The following MAF variants were observed in gnomAD, a reference collection of about 807,000 sequenced individuals.
MAF encodes the protein transcription factor Maf.
A neutral mutation model predicts 22.0 loss-of-function variants in MAF; 10 were observed. The observed-to-expected ratio is 0.45, with a 90% confidence interval of 0.28 to 0.77. The LOEUF is 0.77. MAF is among the 30% of genes least tolerant of loss of function. The pLI is 0.12. For synonymous variants in MAF, 337 were observed against 255.8 expected (o/e 1.32, Z -3.03); for missense variants, 544 against 548.4 (o/e 0.99, Z 0.08).
the MAF span, among the ~76,000 whole-genome samples, chr16:79,293,730 G>C: frequency 6.6e-6 from 1 of 152,120 alleles, no homozygotes; most frequent in Admixed American, 6.5e-5. Flanking sequence ...TAGTGTGTCT[G>C]TGAAGGGGAA....
chr16:79,385,928 T>C, the MAF span, among the ~76,000 whole-genome samples: 2 of 151,882 alleles, frequency 1.3e-5, no homozygotes, highest in Non-Finnish European at 2.9e-5. Flanking sequence ...AAAAACAAAA[T>C]AAAACAAAAA....
chr16:79,433,251 T>A, the MAF span, among the ~76,000 whole-genome samples: 1 of 136,764 alleles, frequency 7.3e-6, no homozygotes, highest in African/African-American at 2.6e-5. Flanking sequence ...AAATACATAA[T>A]GTAAGATAAG....
chr16:79,308,109 A>G, the MAF span, among the ~76,000 whole-genome samples: 1 of 152,192 alleles, frequency 6.6e-6, no homozygotes, highest in African/African-American at 2.4e-5. Context: ...TGTCATATCT[A>G]TGGTGTCCCT....
the MAF span, among the ~76,000 whole-genome samples, chr16:79,377,911 T>C: frequency 6.6e-6 from 1 of 152,216 alleles, no homozygotes; most frequent in Non-Finnish European, 1.5e-5. Flanking sequence ...ACCAGTACCA[T>C]GCTGTTTTGG....
the MAF span, among the ~76,000 whole-genome samples, chr16:79,242,914 C>G: frequency 3.4e-4 from 51 of 152,176 alleles, no homozygotes; most frequent in Admixed American, 2.8e-3. Context: ...AACCACACAA[C>G]TACATGGAAA....
At chr16:79,307,474 T>A in the MAF span, among the ~76,000 whole-genome samples, 1 of 152,316 alleles carries the variant, frequency 6.6e-6, no homozygotes, top group South Asian at 2.1e-4. Context: ...GCAGGACGCT[T>A]GCAGTTCATG....
the MAF span, among the ~76,000 whole-genome samples, chr16:79,545,150 G>A: frequency 3.0e-4 from 45 of 152,070 alleles, no homozygotes; most frequent in Non-Finnish European, 5.0e-4. Flanking sequence ...TTCCCTCCAT[G>A]GTTCTAAATT....
the MAF span, among the ~76,000 whole-genome samples, chr16:79,559,416 C>A: frequency 1.4e-4 from 22 of 152,172 alleles, no homozygotes; most frequent in Non-Finnish European, 2.2e-4. Flanking sequence ...TAAACTGGGT[C>A]TTCCAGAGGG....
the MAF span, among the ~76,000 whole-genome samples, chr16:79,349,121 G>A: frequency 5.9e-5 from 9 of 152,318 alleles, no homozygotes; most frequent in East Asian, 5.8e-4. Context: ...CTTCAGTGGC[G>A]GGGTTATTAA....
chr16:79,400,517 C>T, the MAF span, among the ~76,000 whole-genome samples: 1 of 152,236 alleles, frequency 6.6e-6, no homozygotes, highest in Non-Finnish European at 1.5e-5. Flanking sequence ...GTTTATACTT[C>T]TGGGGAGCTC....
downstream of MAF, among the ~76,000 whole-genome samples, chr16:79,590,569 A>T (rs1913134964): frequency 6.6e-6 from 1 of 152,150 alleles, no homozygotes; most frequent in African/African-American, 2.4e-5. Context: ...CTGGGATTGG[A>T]CAGGAGTCAG....
At chr16:79,351,661 T>A in the MAF span, among the ~76,000 whole-genome samples, 4 of 151,656 alleles carry the variant, frequency 2.6e-5, no homozygotes, top group Non-Finnish European at 5.9e-5. Flanking sequence ...TTTTTTTTTT[T>A]AAGCAGTATC....
At chr16:79,326,993 C>A in the MAF span, among the ~76,000 whole-genome samples, 368 of 152,302 alleles carry the variant, frequency 2.4e-3, 1 homozygote, top group African/African-American at 8.6e-3. Context: ...CAATTCATAA[C>A]GTCCTAGCAG....
chr16:79,294,831 A>C, the MAF span, among the ~76,000 whole-genome samples: 1 of 152,150 alleles, frequency 6.6e-6, no homozygotes, highest in Non-Finnish European at 1.5e-5. Flanking sequence ...ACCACAACCA[A>C]ACTACAACAG....
the MAF span, among the ~76,000 whole-genome samples, chr16:79,394,353 A>G: frequency 6.6e-6 from 1 of 152,172 alleles, no homozygotes; most frequent in South Asian, 2.1e-4. Flanking sequence ...CCTGTTTACA[A>G]GTGATTTCTG....
chr16:79,358,632 T>C, the MAF span, among the ~76,000 whole-genome samples: 3 of 152,286 alleles, frequency 2.0e-5, no homozygotes, highest in Admixed American at 6.5e-5. Flanking sequence ...TTTGCGAGGA[T>C]GTAAAAAGAT....
chr16:79,343,239 C>A, the MAF span, among the ~76,000 whole-genome samples: 1 of 61,862 alleles, frequency 1.6e-5, no homozygotes, highest in Admixed American at 1.4e-4. Flanking sequence ...TCAGCCCCAA[C>A]CCCCCCCCAA....
the MAF span, among the ~76,000 whole-genome samples, chr16:79,526,307 C>T: frequency 6.6e-6 from 1 of 152,184 alleles, no homozygotes; most frequent in African/African-American, 2.4e-5. Context: ...AAGGAGACCA[C>T]AACCTAGATT....
chr16:79,583,631 A>G (rs112033883), downstream of MAF, among the ~76,000 whole-genome samples: 1,172 of 152,370 alleles, frequency 7.7e-3, 16 homozygotes, highest in African/African-American at 0.027. Context: ...CTTTCAGCGC[A>G]TAACATGCAA....
Sources: gnomAD v4.1 joint callset for allele counts (sites outside exome capture counted in the v4.1 genomes callset) on GRCh38, gnomAD v4.1.1 for gene constraint, MANE v1.5 for transcripts, NCBI Gene and HGNC (gene_info 2026-07-23, HGNC 2026-07-21) for gene names.